TCL1B: variants seen among roughly 807,000 people sequenced by gnomAD.
TCL1B encodes the protein T-cell leukemia/lymphoma protein 1B.
TCL1B carries 14 observed loss-of-function variants against 16.9 expected under a neutral mutation model. The observed-to-expected ratio is 0.83, with a 90% CI of 0.55 to 1.30. The LOEUF (loss-of-function observed/expected upper bound fraction) is 1.30. Ranked by LOEUF, TCL1B falls within the 50% of genes most tolerant of loss-of-function variation. The probability of loss-of-function intolerance (pLI) is 0.00; values close to 1 mark genes in which losing one functional copy is unlikely to be tolerated. For synonymous variants in TCL1B, 79 were observed against 66.6 expected, an observed-to-expected ratio of 1.19 and a Z score of -0.91; for missense variants, 166 against 165.2, an observed-to-expected ratio of 1.00 and a Z score of -0.03.
intron 1 of TCL1B, among the ~76,000 whole-genome samples, chr14:95,688,817 A>C (rs1885814914): frequency 6.6e-6 from 1 of 152,226 alleles, no homozygotes; most frequent in African/African-American, 2.4e-5. Context: ...AGGTACTCAG[A>C]GTGGTCTCAT....
chr14:95,687,340 T>C (rs1743522), intron 1 of TCL1B, among the ~76,000 whole-genome samples: 148,830 of 152,242 alleles, frequency 0.98, 72,960 homozygotes, highest in Middle Eastern at 1. Context: ...ACAGTAGCGT[T>C]TCTGGTGTGG....
intron 1 of TCL1B, chr14:95,689,214 G>A (rs921020277): frequency 2.0e-5 from 3 of 152,158 alleles, no homozygotes; most frequent in Non-Finnish European, 4.4e-5. Flanking sequence ...TTGAACCTGG[G>A]AGGCAGAGCT....
intron 1 of TCL1B, among the ~76,000 whole-genome samples, chr14:95,686,910 TG>T (rs1344880319): frequency 6.6e-6 from 1 of 152,172 alleles, no homozygotes; most frequent in Admixed American, 6.5e-5. Flanking sequence ...TCCCAGTGCC[TG>T]CTGGGAAGGC....
Position 95,691,296 on chromosome 14 carries a change from CAT to C in TCL1B, c.365_366del (p.Tyr122SerfsTer53), listed in dbSNP as rs1566740778. On this transcript the variant is annotated frameshift_variant, in exon 3 of 4. Transcript: ENST00000340722. LOFTEE classifies it high-confidence loss of function. ...GACTCTATGGAGCAGCTGGTCCTAACATATCAGCCGGAGAGGAAAGACTGACA... is the reference window on the plus strand; with the variant it reads ...GACTCTATGGAGCAGCTGGTCCTAACATCAGCCGGAGAGGAAAGACTGACA... 6.2e-7 allele frequency: 1 copy of C among 1,613,702 alleles called. No homozygotes were observed. Among genetic ancestry groups the C allele is most frequent in the East Asian group, 2.2e-5 (1 of 44,872 alleles).
chr14:95,690,702 C>T (rs1736094417), intron 1 of TCL1B, 34 bp from the exon 2 acceptor site: 11 of 1,589,836 alleles, frequency 6.9e-6, no homozygotes, highest in Non-Finnish European at 8.6e-6. Flanking sequence ...GGAACCCTAT[C>T]CATGATTTGC....
At chr14:95,689,820 C>T (rs988748890) in intron 1 of TCL1B, among the ~76,000 whole-genome samples, 2 of 152,196 alleles carry the variant, frequency 1.3e-5, no homozygotes, top group Non-Finnish European at 2.9e-5. Context: ...TTATTCACAA[C>T]ATGTCTGATT....
In TCL1B at chr14:95,688,553, A is replaced by G. The variant is rs140426362; in HGVS notation, c.162+1924A>G. On this transcript the variant is annotated intron_variant, in intron 1 of 3. Transcript: ENST00000340722. ...GAAAGAATTACGGCATAATCCAGCAATGCCGCTTCTGGATATATACCCACA... is the reference window on the plus strand; with the variant it reads ...GAAAGAATTACGGCATAATCCAGCAGTGCCGCTTCTGGATATATACCCACA... Among the ~76,000 whole-genome samples, 227 of 152,304 alleles carry G rather than the reference A, an allele frequency of 1.5e-3. 2 individuals carry two copies. Among genetic ancestry groups the G allele is most frequent in the African/African-American group, 5.0e-3 (207 of 41,556 alleles).
chr14:95,691,593 G>A (rs1476185338), intron 3 of TCL1B: 2 of 370,860 alleles, frequency 5.4e-6, no homozygotes, highest in Admixed American at 4.2e-5. Flanking sequence ...ATTTTGTGAG[G>A]TGTACGTGTT....
chr14:95,690,868 G>GCC lies in TCL1B; in HGVS notation c.296_297insCC (p.Asp100ArgfsTer8), dbSNP rs769497972. 37 of 1,614,078 alleles carry GCC rather than the reference G, an allele frequency of 2.3e-5. No individual in the cohort carries two copies. The highest frequency in any genetic ancestry group is 1.7e-4 in the Admixed American group (10 of 60,010). On this transcript the variant is annotated frameshift_variant, in exon 2 of 4. Coordinates refer to ENST00000340722, the MANE Select transcript of TCL1B (RefSeq NM_004918.4). LOFTEE classifies it high-confidence loss of function. ...CTACCCCGGGAGGAAGTACCGAGCA[G>GCC]CGGATTCCAGTTTCTGGGAAATAGC...
intron 1 of TCL1B, among the ~76,000 whole-genome samples, chr14:95,689,680 G>C (rs1303822471): frequency 6.6e-6 from 1 of 152,222 alleles, no homozygotes; most frequent in East Asian, 1.9e-4. Context: ...ATGCAAGCCA[G>C]ACTTAGTTTG....
At chr14:95,689,011 G>A (rs1201860106) in intron 1 of TCL1B, among the ~76,000 whole-genome samples, 1 of 152,166 alleles carries the variant, frequency 6.6e-6, no homozygotes, top group Admixed American at 6.5e-5. Context: ...AGTTGGCCGG[G>A]TGCGGTGGCT....
intron 1 of TCL1B, among the ~76,000 whole-genome samples, chr14:95,687,551 A>G (rs1855744336): frequency 6.6e-6 from 1 of 152,156 alleles, no homozygotes; most frequent in African/African-American, 2.4e-5. Context: ...TTTTTTCCCA[A>G]AATATTTTTA....
intron 1 of TCL1B, 118 bp downstream of exon 1, chr14:95,686,747 T>G: frequency 6.3e-6 from 8 of 1,263,852 alleles, no homozygotes; most frequent in Non-Finnish European, 8.5e-6. Context: ...AACTCACTTC[T>G]GTGCAGGTCT....
intron 1 of TCL1B, among the ~76,000 whole-genome samples, chr14:95,688,948 G>A (rs1243840303): frequency 6.6e-6 from 1 of 152,110 alleles, no homozygotes; most frequent in Non-Finnish European, 1.5e-5. Context: ...GGATAGTGCC[G>A]ACGGTTCCAC....
chr14:95,690,616 G>T, intron 1 of TCL1B, 120 bp from the exon 2 acceptor site: 1 of 1,188,158 alleles, frequency 8.4e-7, no homozygotes, highest in Non-Finnish European at 1.2e-6. Context: ...AAGGCTCTTG[G>T]TCTGGAATTC....
chr14:95,686,498 G>T lies in TCL1B; in HGVS notation c.31G>T (p.Val11Leu), dbSNP rs1398294343. The part of the protein sequence containing the change: MASEASVRLG[V>L]PPGRLWIQRP... ...CTCCGAAGCTTCTGTGCGTCTAGGG[G>T]TGCCCCCTGGCCGTCTGTGGATCCA... is the stretch of plus-strand genomic sequence containing the variant. The change falls in exon 1 of 4, where the codon GTG becomes TTG. Residue 11 changes from valine (V) to leucine (L), a missense_variant. Transcript: ENST00000340722. The T allele has an allele frequency of 1.2e-6, 2 of 1,611,608 alleles. No individual in the cohort carries two copies.
At position 95,691,496 on chromosome 14, in the gene TCL1B, G is replaced by C. The variant is rs1259133408; in HGVS notation, c.*15+160G>C. The C allele has an allele frequency of 2.1e-5, 13 of 630,348 alleles. No individual in the cohort carries two copies. In the East Asian group the frequency reaches 3.7e-4, roughly 18 times the overall value. The allele number at this position is 630,348 out of a possible 1,614,324, so 39.0% of individuals were successfully genotyped here. A position where few individuals can be genotyped will look rare whatever the true frequency, so the allele number is the denominator to read the frequency against. Reference sequence around the variant, plus strand: ...CTCTGTTCCCCAGCCCCTTGGATGTGATGGTACACAGTGGGTGGGCCCCCA... The same window carrying C: ...CTCTGTTCCCCAGCCCCTTGGATGTCATGGTACACAGTGGGTGGGCCCCCA... On this transcript the variant is annotated intron_variant, in intron 3 of 3. Coordinates refer to ENST00000340722, the MANE Select transcript of TCL1B (RefSeq NM_004918.4).
At chr14:95,686,677 C>T in intron 1 of TCL1B, 48 bp downstream of exon 1, 1 of 1,536,172 alleles carries the variant, frequency 6.5e-7, no homozygotes, top group Non-Finnish European at 8.7e-7. Flanking sequence ...TGCGCACTGA[C>T]CCCTGCCCGT....
At chr14:95,687,420 A>G (rs536573192) in intron 1 of TCL1B, among the ~76,000 whole-genome samples, 24 of 152,334 alleles carry the variant, frequency 1.6e-4, no homozygotes, top group Non-Finnish European at 3.1e-4. Flanking sequence ...TGACCTGGGT[A>G]GTAATTACAT....
Sources: gnomAD v4.1 joint callset for allele counts (sites outside exome capture counted in the v4.1 genomes callset) on GRCh38, gnomAD v4.1.1 for gene constraint, MANE v1.5 for transcripts, NCBI Gene and HGNC (gene_info 2026-07-23, HGNC 2026-07-21) for gene names.